The following ANO2 variants were observed in gnomAD, a reference collection of about 807,000 sequenced individuals.
The protein encoded by ANO2 is anoctamin-2.
ANO2 carries 101 observed loss-of-function variants against 124.2 expected under a neutral mutation model. The observed-to-expected ratio is 0.81, with a 90% CI of 0.69 to 0.96. ANO2 has a LOEUF of 0.96. Among genes scored for constraint, ANO2 ranks in the 40% least tolerant of loss-of-function variants. The pLI is 0.00. For missense variants in ANO2, 1,293 were observed against 1,274.5 expected, an observed-to-expected ratio of 1.01 and a Z score of -0.22; for synonymous variants, 486 against 482.5, an observed-to-expected ratio of 1.01 and a Z score of -0.09.
chr12:5,926,621 T>C (rs1942093957), intron 1 of ANO2, among the ~76,000 whole-genome samples: 1 of 152,212 alleles, frequency 6.6e-6, no homozygotes, highest in African/African-American at 2.4e-5. Flanking sequence ...ACCTACTATT[T>C]TGGTCCTTAG....
rs191713335 is a variant in ANO2 at position 5,849,699 on chromosome 12, C to T, written c.633+4344G>A. Among the ~76,000 whole-genome samples the T allele has an allele frequency of 1.8e-3, 275 of 152,264 alleles. 4 individuals carry two copies. The highest frequency in any genetic ancestry group is 3.4e-3 in the Middle Eastern group (1 of 294). The stretch of plus-strand genomic sequence containing the variant: ...ATGGATTTGTCCAGGTTTGAGATCT[C>T]GATTTTGTGATTTCCTCCCCATCTT... On this transcript the variant is annotated intron_variant, in intron 4 of 24. Coordinates refer to ENST00000682330, the MANE Select transcript of ANO2 (RefSeq NM_001364791.2).
chr12:5,806,012 G>A (rs748029118), intron 9 of ANO2, 40 bp downstream of exon 9: 17 of 1,603,596 alleles, frequency 1.1e-5, no homozygotes, highest in East Asian at 2.2e-5. Context: ...CCGTAGTCTC[G>A]CATGCCCAAA....
At chr12:5,810,475 G>A (rs1031372431) in intron 7 of ANO2, among the ~76,000 whole-genome samples, 2 of 151,896 alleles carry the variant, frequency 1.3e-5, no homozygotes, top group Admixed American at 6.6e-5. Flanking sequence ...TCCATCATGC[G>A]CCATCCATCT....
At chr12:5,704,983 G>A (rs892123682) in intron 14 of ANO2, among the ~76,000 whole-genome samples, 1 of 151,926 alleles carries the variant, frequency 6.6e-6, no homozygotes, top group African/African-American at 2.4e-5. Flanking sequence ...TGTACCTTAG[G>A]GTCAGAAACA....
chr12:5,726,036 T>A (rs543551457), intron 14 of ANO2, among the ~76,000 whole-genome samples: 1 of 152,110 alleles, frequency 6.6e-6, no homozygotes, highest in South Asian at 2.1e-4. Context: ...CTTTACCATC[T>A]TGTAGGAACA....
chr12:5,921,395 A>C (rs771229840), intron 2 of ANO2, 29 bp from the exon 3 acceptor site: 245 of 1,602,894 alleles, frequency 1.5e-4, no homozygotes, highest in Non-Finnish European at 2.9e-5. Flanking sequence ...GAGGCAGGGC[A>C]AGGTCTGGTG....
At chr12:5,568,713 G>A (rs964982209) in intron 23 of ANO2, among the ~76,000 whole-genome samples, 4 of 152,140 alleles carry the variant, frequency 2.6e-5, no homozygotes, top group Non-Finnish European at 5.9e-5. Context: ...TTCCACCACC[G>A]TGATGCTGCG....
At chr12:5,653,221 TG>T (rs544383820) in intron 14 of ANO2, among the ~76,000 whole-genome samples, 229 of 152,344 alleles carry the variant, frequency 1.5e-3, no homozygotes, top group Admixed American at 3.3e-3. Context: ...CCATCGTCAC[TG>T]GCCACTTCAT....
At chr12:5,669,482 G>A (rs1197554639) in intron 14 of ANO2, among the ~76,000 whole-genome samples, 1 of 152,160 alleles carries the variant, frequency 6.6e-6, no homozygotes, top group Non-Finnish European at 1.5e-5. Flanking sequence ...CATGTCATCT[G>A]CAAAGACAAT....
chr12:5,716,902 T>C (rs1277361126), intron 14 of ANO2, among the ~76,000 whole-genome samples: 1 of 152,220 alleles, frequency 6.6e-6, no homozygotes, highest in Non-Finnish European at 1.5e-5. Flanking sequence ...CCAAAGGTGC[T>C]GTGGAAATCA....
At chr12:5,583,470 G>T (rs542909795) in intron 20 of ANO2, among the ~76,000 whole-genome samples, 2 of 151,554 alleles carry the variant, frequency 1.3e-5, no homozygotes, top group Non-Finnish European at 2.9e-5. Flanking sequence ...TGGCTAACAC[G>T]GTGAAACCCC....
At chr12:5,891,838 G>A (rs1939427542) in intron 3 of ANO2, among the ~76,000 whole-genome samples, 1 of 27,764 alleles carries the variant, frequency 3.6e-5, no homozygotes, top group South Asian at 6.7e-4. Flanking sequence ...ACACAAATAG[G>A]ATTTAATAAA....
At chr12:5,884,150 T>G (rs1938715401) in intron 3 of ANO2, among the ~76,000 whole-genome samples, 1 of 152,196 alleles carries the variant, frequency 6.6e-6, no homozygotes, top group Non-Finnish European at 1.5e-5. Flanking sequence ...ATTTGGAATC[T>G]GGGCCTCTCA....
chr12:5,933,730 C>T (rs1942531437), intron 1 of ANO2, among the ~76,000 whole-genome samples: 1 of 152,204 alleles, frequency 6.6e-6, no homozygotes. Context: ...CAGACAAGAA[C>T]ATTCCTCTTT....
intron 3 of ANO2, among the ~76,000 whole-genome samples, chr12:5,899,936 G>T (rs1366140559): frequency 2.0e-5 from 3 of 152,218 alleles, no homozygotes; most frequent in Non-Finnish European, 2.9e-5. Flanking sequence ...TGTGTTTCAA[G>T]CTGCAGCTGT....
At position 5,618,818 on chromosome 12, in the gene ANO2, G is replaced by C. The variant is rs557918307; in HGVS notation, c.1817-3521C>G. ...AGGAGCTTCACTGAGCAAGGTCTCT[G>C]TGGAGAGGCTTTTGCTCACTGCCAA... On this transcript the variant is annotated intron_variant, in intron 16 of 24. Transcript: ENST00000682330. Among the ~76,000 whole-genome samples the C allele has an allele frequency of 5.3e-5, 8 of 152,322 alleles. No individual in the cohort carries two copies. In the East Asian group the frequency reaches 5.8e-4, roughly 11 times the overall value.
chr12:5,608,170 T>C (rs188844852), intron 19 of ANO2, among the ~76,000 whole-genome samples: 3 of 152,056 alleles, frequency 2.0e-5, no homozygotes, highest in Admixed American at 6.6e-5. Context: ...CTTCTGACTA[T>C]GAAAGACTTT....
intron 3 of ANO2, among the ~76,000 whole-genome samples, chr12:5,889,582 T>A (rs1022530097): frequency 6.6e-6 from 1 of 152,276 alleles, no homozygotes; most frequent in Non-Finnish European, 1.5e-5. Flanking sequence ...ACCCCTGTCT[T>A]ACACGTGTCC....
At chr12:5,859,946 C>A (rs946204208) in intron 3 of ANO2, among the ~76,000 whole-genome samples, 9 of 152,174 alleles carry the variant, frequency 5.9e-5, no homozygotes, top group African/African-American at 2.2e-4. Context: ...TCATCTTGAA[C>A]CTGTGCCCTG....
Sources: gnomAD v4.1 joint callset for allele counts (sites outside exome capture counted in the v4.1 genomes callset) on GRCh38, gnomAD v4.1.1 for gene constraint, MANE v1.5 for transcripts, NCBI Gene and HGNC (gene_info 2026-07-23, HGNC 2026-07-21) for gene names.